Variants in NEK1 observed in about 807,000 individuals in gnomAD.
NEK1 encodes NIMA related kinase 1.
In NEK1, 137 loss-of-function variants were observed where a neutral mutation model predicts 182.1. The observed-to-expected ratio is 0.75, with a 90% confidence interval of 0.65 to 0.87. The LOEUF (loss-of-function observed/expected upper bound fraction) is 0.87. Ranked by LOEUF, NEK1 falls within the 40% of genes least tolerant of loss-of-function variation. The pLI, the probability that NEK1 is intolerant of heterozygous loss-of-function variation, is 0.00. For synonymous variants in NEK1, 513 were observed against 492.2 expected (o/e 1.04, Z -0.56); for missense variants, 1,391 against 1,494.4 (o/e 0.93, Z 1.14).
intron 18 of NEK1, among the ~76,000 whole-genome samples, chr4:169,543,321 CTCTGT>C (rs1257611378): frequency 6.6e-6 from 1 of 152,010 alleles, no homozygotes; most frequent in African/African-American, 2.4e-5. Context: ...TTTCTAAGGC[CTCTGT>C]TCTGTTCCAT....
intron 12 of NEK1, chr4:169,576,469 G>C (rs1765704190): frequency 6.5e-6 from 1 of 154,912 alleles, no homozygotes; most frequent in South Asian, 2.0e-4. Flanking sequence ...TGTGTTCTTG[G>C]GCATGTCGCT....
At chr4:169,428,587 AT>A (rs1195292841) in intron 29 of NEK1, among the ~76,000 whole-genome samples, 1 of 151,608 alleles carries the variant, frequency 6.6e-6, no homozygotes, top group East Asian at 1.9e-4. Flanking sequence ...AAAACGGGGG[AT>A]GATTGCTTAA....
intron 27 of NEK1, among the ~76,000 whole-genome samples, chr4:169,454,832 T>C (rs1435985316): frequency 6.6e-6 from 1 of 152,198 alleles, no homozygotes; most frequent in Non-Finnish European, 1.5e-5. Context: ...TTACTGGGTA[T>C]ACACCCAAAG....
intron 31 of NEK1, among the ~76,000 whole-genome samples, chr4:169,409,752 AGC>A (rs1733334573): frequency 6.6e-6 from 1 of 152,182 alleles, no homozygotes; most frequent in African/African-American, 2.4e-5. Context: ...TGGGCGACAG[AGC>A]GAGACTTTGT....
chr4:169,499,157 T>G (rs1003057227), intron 23 of NEK1, among the ~76,000 whole-genome samples: 5 of 152,222 alleles, frequency 3.3e-5, no homozygotes, highest in African/African-American at 1.2e-4. Flanking sequence ...TCATTTGATC[T>G]TCCATCACTG....
Position 169,561,520 on chromosome 4 carries a change from C to T in NEK1, c.1226G>A (p.Trp409Ter), listed in dbSNP as rs985064686. ...TCCACCAGCACTTAGCACATTTCTC[C>T]ATCCTTGTTCCCTGGCCCTATTTAT... is the stretch of plus-strand genomic sequence containing the variant. ...ERINRAREQG[W>*]RNVLSAGGSG... Residue 409 changes from tryptophan (W) to a stop codon, truncating the protein, a stop_gained, in exon 16 of 36, where the codon TGG becomes TAG. Coordinates refer to ENST00000507142, the MANE Select transcript of NEK1 (RefSeq NM_001199397.3). LOFTEE classifies it high-confidence loss of function. 23 of 1,613,482 alleles carry T rather than the reference C, an allele frequency of 1.4e-5. No individual in the cohort carries two copies. Among genetic ancestry groups the T allele is most frequent in the Admixed American group, 1.7e-5 (1 of 60,004 alleles).
At chr4:169,404,466 C>T (rs533860622) in intron 32 of NEK1, among the ~76,000 whole-genome samples, 3 of 152,184 alleles carry the variant, frequency 2.0e-5, no homozygotes, top group Admixed American at 1.3e-4. Flanking sequence ...ATCGATCCTA[C>T]GTAACTCAAT....
At chr4:169,437,201 A>C (rs1738571900) in intron 28 of NEK1, among the ~76,000 whole-genome samples, 1 of 128,680 alleles carries the variant, frequency 7.8e-6, no homozygotes, top group African/African-American at 3.0e-5. Flanking sequence ...TGTATTTTGC[A>C]CATATGGAAA....
chr4:169,558,325 A>T (rs1038603832), intron 16 of NEK1, among the ~76,000 whole-genome samples: 25 of 152,254 alleles, frequency 1.6e-4, no homozygotes, highest in Admixed American at 4.6e-4. Context: ...AAATTCACCA[A>T]TTGTAAGCAC....
In NEK1 at chr4:169,494,547, G is replaced by A. The variant is rs142941728; in HGVS notation, c.2007+12490C>T. Among the ~76,000 whole-genome samples the A allele has an allele frequency of 2.5e-3, 388 of 152,170 alleles. 3 individuals are homozygous for A. The highest frequency in any genetic ancestry group is 8.6e-3 in the African/African-American group (359 of 41,512). On this transcript the variant is annotated intron_variant, in intron 23 of 35. Transcript: ENST00000507142. ...AGTCTTTGCTATTGTGAATAGTGCC[G>A]CAATAAACATACGTGTGCTTGTGTC...
chr4:169,463,036 C>T (rs184298501), intron 27 of NEK1, among the ~76,000 whole-genome samples: 8 of 152,118 alleles, frequency 5.3e-5, no homozygotes, highest in Admixed American at 4.6e-4. Flanking sequence ...CCTTTTAGAT[C>T]CCATCCAGGT....
At chr4:169,489,835 G>A (rs1749738785) in intron 23 of NEK1, among the ~76,000 whole-genome samples, 1 of 152,008 alleles carries the variant, frequency 6.6e-6, no homozygotes, top group African/African-American at 2.4e-5. Flanking sequence ...CTGCTACCTG[G>A]GCCCAAGCTA....
Position 169,438,107 on chromosome 4 carries a change from A to T in NEK1, c.2740T>A (p.Leu914Met). The T allele has an allele frequency of 1.2e-6, 2 of 1,611,978 alleles. No individual in the cohort carries two copies. The highest frequency in any genetic ancestry group is 1.7e-6 in the Non-Finnish European group (2 of 1,179,154). Residue 914 changes from leucine to methionine, a missense_variant, in exon 28 of 36, where the codon TTG becomes ATG. By Grantham distance (15) the Leu-to-Met change is conservative. This residue lies in a region of NEK1 where 1,216 missense variants were observed against 1,277.6 expected (regional missense o/e 0.95). Transcript: ENST00000507142. ...EFSEASPQMS[L>M]KLEGNLEEPD... is the part of the protein sequence containing the mutation. ...CCTTCTAAATTTCCTTCCAGTTTCA[A>T]TGACATCTGTGGAGATGCCTCACTG...
chr4:169,599,057 C>A, intron 5 of NEK1, 43 bp downstream of exon 5: 1 of 1,471,616 alleles, frequency 6.8e-7, no homozygotes, highest in Non-Finnish European at 9.4e-7. Flanking sequence ...TGAACTACTT[C>A]TCAATAATAG....
chr4:169,423,862 T>C (rs545878842), intron 31 of NEK1, among the ~76,000 whole-genome samples: 1 of 152,296 alleles, frequency 6.6e-6, no homozygotes, highest in East Asian at 1.9e-4. Context: ...AAAGAGAATA[T>C]GTGACAATGA....
chr4:169,428,351 G>GATACATATATATAT (rs1736771741), intron 29 of NEK1, among the ~76,000 whole-genome samples: 1 of 93,224 alleles, frequency 1.1e-5, no homozygotes, highest in Non-Finnish European at 2.2e-5. Context: ...AAATATATGG[G>GATACATATATATAT]ATATATATAT....
At chr4:169,453,840 T>C (rs559829237) in intron 27 of NEK1, among the ~76,000 whole-genome samples, 50 of 152,214 alleles carry the variant, frequency 3.3e-4, no homozygotes, top group Non-Finnish European at 6.9e-4. Flanking sequence ...AGACCCCTGA[T>C]TTCCCACTTC....
intron 18 of NEK1, among the ~76,000 whole-genome samples, chr4:169,540,144 TTAA>T: frequency 6.6e-6 from 1 of 152,234 alleles, no homozygotes; most frequent in Non-Finnish European, 1.5e-5. Context: ...AAACACAAAC[TTAA>T]TAACTGTAGT....
At position 169,568,956 on chromosome 4, in the gene NEK1, A is replaced by AC. The variant is rs1764178675; in HGVS notation, c.1021-6761dup. Among the ~76,000 whole-genome samples, 10 of 151,138 alleles carry AC rather than the reference A, an allele frequency of 6.6e-5. No individual in the cohort carries two copies. The South Asian group carries it at 1.5e-3, about 22-fold the overall frequency. ...CCATTTCAAAAAAAAAAAAAAGAAA[A>AC]CCCAAAAAACAAATAGGAAGGTCCA... is the stretch of plus-strand genomic sequence containing the variant. On this transcript the variant is annotated intron_variant, in intron 12 of 35. Coordinates refer to ENST00000507142, the MANE Select transcript of NEK1 (RefSeq NM_001199397.3).
Sources: gnomAD v4.1 joint callset for allele counts (sites outside exome capture counted in the v4.1 genomes callset) on GRCh38, gnomAD v4.1.1 for gene constraint, gnomAD v4.1.1 regional missense constraint, MANE v1.5 for transcripts, NCBI Gene and HGNC (gene_info 2026-07-23, HGNC 2026-07-21) for gene names.